The following ALK variants were observed in gnomAD, a reference collection of about 807,000 sequenced individuals.
ALK encodes the protein ALK tyrosine kinase receptor.
In ALK, 74 loss-of-function variants were observed where a neutral mutation model predicts 163.1. The ratio of observed to expected loss-of-function variants is 0.45; its 90% CI spans 0.38 to 0.55. The LOEUF is 0.55. ALK is among the 20% of genes least tolerant of loss of function. The pLI is 0.00. For synonymous variants in ALK, 960 were observed against 843.2 expected (o/e 1.14, Z -2.40); for missense variants, 2,063 against 2,105.3 (o/e 0.98, Z 0.39).
intron 3 of ALK, among the ~76,000 whole-genome samples, chr2:29,588,306 T>C (rs574842800): frequency 1.3e-5 from 2 of 152,154 alleles, no homozygotes; most frequent in Admixed American, 6.6e-5. Context: ...TCTCAGCTCA[T>C]TGCAACCCCC....
chr2:29,603,015 G>T (rs1675421370), intron 3 of ALK, among the ~76,000 whole-genome samples: 1 of 152,218 alleles, frequency 6.6e-6, no homozygotes, highest in Non-Finnish European at 1.5e-5. Flanking sequence ...GTGGGGGCTT[G>T]CAGGTCAGAG....
At chr2:29,230,420 C>A (rs1436588650) in intron 15 of ALK, among the ~76,000 whole-genome samples, 2 of 151,940 alleles carry the variant, frequency 1.3e-5, no homozygotes, top group Non-Finnish European at 2.9e-5. Flanking sequence ...ATGATGCATG[C>A]TGGGGACCTG....
chr2:29,559,815 A>G (rs111319380), intron 3 of ALK, among the ~76,000 whole-genome samples: 1,385 of 130,756 alleles, frequency 0.011, 21 homozygotes, highest in African/African-American at 0.035. Context: ...TAGTTCACAC[A>G]TTATCCTGAC....
intron 6 of ALK, among the ~76,000 whole-genome samples, chr2:29,325,043 G>A (rs1667209822): frequency 6.6e-6 from 1 of 152,270 alleles, no homozygotes; most frequent in East Asian, 1.9e-4. Flanking sequence ...CAGCATGTGC[G>A]GAGGACTCCC....
chr2:29,633,492 T>C (rs188187178), intron 3 of ALK, among the ~76,000 whole-genome samples: 1 of 151,720 alleles, frequency 6.6e-6, no homozygotes, highest in South Asian at 2.1e-4. Context: ...AAATCAACAA[T>C]CTATGCTCCC....
At chr2:29,324,232 A>C (rs751491373) in intron 6 of ALK, among the ~76,000 whole-genome samples, 19 of 152,238 alleles carry the variant, frequency 1.2e-4, no homozygotes, top group African/African-American at 2.7e-4. Flanking sequence ...ACAGTCATGG[A>C]GCTGTGACCT....
At chr2:29,222,470 CAGAGTCCGCA>C in intron 21 of ALK, 37 bp downstream of exon 21, 1 of 1,613,162 alleles carries the variant, frequency 6.2e-7, no homozygotes, top group Non-Finnish European at 8.5e-7. Context: ...CTGCAGCCTA[CAGAGTCCGCA>C]AGCCAAGGGC....
intron 4 of ALK, among the ~76,000 whole-genome samples, chr2:29,476,462 TAAAA>T (rs1449789256): frequency 6.6e-6 from 1 of 151,408 alleles, no homozygotes; most frequent in African/African-American, 2.4e-5. Flanking sequence ...AAGAAGGAAA[TAAAA>T]AACACACAGA....
intron 2 of ALK, among the ~76,000 whole-genome samples, chr2:29,713,692 C>T (rs72851916): frequency 0.038 from 5,844 of 152,128 alleles, 403 homozygotes; most frequent in African/African-American, 0.14. Context: ...TCACCTACTC[C>T]GTAAAATGAA....
At chr2:29,416,323 G>A (rs1288023063) in intron 4 of ALK, among the ~76,000 whole-genome samples, 2 of 152,138 alleles carry the variant, frequency 1.3e-5, no homozygotes, top group Non-Finnish European at 2.9e-5. Context: ...AGGGGCTTTG[G>A]GGAACAAGAT....
chr2:29,883,105 G>GA (rs1377332028), intron 1 of ALK, among the ~76,000 whole-genome samples: 1 of 151,308 alleles, frequency 6.6e-6, no homozygotes, highest in Admixed American at 6.6e-5. Context: ...AAGGAGGAAG[G>GA]AAGAAAGGAA....
intron 5 of ALK, among the ~76,000 whole-genome samples, chr2:29,368,904 G>A (rs1045217430): frequency 3.3e-5 from 5 of 152,080 alleles, no homozygotes; most frequent in East Asian, 3.9e-4. Context: ...AAGCTGGAAC[G>A]TTCAATATGA....
rs1282637441 is a variant in ALK at position 29,595,545 on chromosome 2, T to C, written c.953-63429A>G. On this transcript the variant is annotated intron_variant, in intron 3 of 28. Coordinates refer to ENST00000389048, the MANE Select transcript of ALK (RefSeq NM_004304.5). ...CCGTGTTAGGCAGGATGGTCTCGAT[T>C]TCCTGACCTCATGATCCGCCCGCCT... Among the ~76,000 whole-genome samples the C allele has an allele frequency of 7.9e-5, 12 of 152,126 alleles. No individual in the cohort carries two copies. In the East Asian group the frequency reaches 1.9e-3, roughly 25 times the overall value.
intron 3 of ALK, among the ~76,000 whole-genome samples, chr2:29,637,247 A>C (rs1474146852): frequency 6.6e-6 from 1 of 152,238 alleles, no homozygotes; most frequent in Non-Finnish European, 1.5e-5. Context: ...AATATCACTC[A>C]GCAATAAAAG....
At chr2:29,546,404 C>A (rs1002009603) in intron 3 of ALK, among the ~76,000 whole-genome samples, 1 of 152,168 alleles carries the variant, frequency 6.6e-6, no homozygotes, top group Non-Finnish European at 1.5e-5. Context: ...TTTTGGTAAT[C>A]CTCAAGGAAA....
At chr2:29,837,420 A>C (rs1470619503) in intron 1 of ALK, among the ~76,000 whole-genome samples, 1 of 152,234 alleles carries the variant, frequency 6.6e-6, no homozygotes, top group Non-Finnish European at 1.5e-5. Context: ...CTTTGGCTGA[A>C]TACTGTGCTG....
At chr2:29,223,655 A>G (rs1669872399) in intron 19 of ALK, 127 bp from the exon 20 acceptor site, 2 of 747,094 alleles carry the variant, frequency 2.7e-6, no homozygotes, top group Non-Finnish European at 2.2e-6. Flanking sequence ...CCTTTCCATC[A>G]TACTTAGAAA....
intron 1 of ALK, among the ~76,000 whole-genome samples, chr2:29,916,290 G>A (rs1052514457): frequency 7.2e-5 from 11 of 152,184 alleles, no homozygotes; most frequent in African/African-American, 2.4e-4. Context: ...CATGGGCCAC[G>A]CTAAATAACT....
At chr2:29,714,261 C>A (rs551927312) in intron 2 of ALK, among the ~76,000 whole-genome samples, 9 of 152,046 alleles carry the variant, frequency 5.9e-5, no homozygotes, top group African/African-American at 2.2e-4. Context: ...AGTGGGCGCT[C>A]GTCATTCAAC....
Sources: gnomAD v4.1 joint callset for allele counts (sites outside exome capture counted in the v4.1 genomes callset) on GRCh38, gnomAD v4.1.1 for gene constraint, MANE v1.5 for transcripts, NCBI Gene and HGNC (gene_info 2026-07-23, HGNC 2026-07-21) for gene names.